Variants in DSCAML1 observed in about 807,000 individuals in gnomAD.
DSCAML1 encodes the protein cell adhesion molecule DSCAML1.
DSCAML1 carries 38 observed loss-of-function variants against 200.5 expected under a neutral mutation model. The observed-to-expected ratio is 0.19, with a 90% confidence interval of 0.15 to 0.25. The LOEUF is 0.25. Among genes scored for constraint, DSCAML1 ranks in the 10% least tolerant of loss-of-function variants. DSCAML1 has a pLI of 1.00. For synonymous variants in DSCAML1, 1,215 were observed against 1,165.0 expected (o/e 1.04, Z -0.87); for missense variants, 2,223 against 2,858.8 (o/e 0.78, Z 5.07).
intron 3 of DSCAML1, among the ~76,000 whole-genome samples, chr11:117,684,539 C>T (rs1057145596): frequency 6.9e-6 from 1 of 145,796 alleles, no homozygotes; most frequent in Non-Finnish European, 1.5e-5. Flanking sequence ...TACAGAGATG[C>T]AGAGTTAGCA....
At chr11:117,622,876 A>G (rs891684063) in intron 3 of DSCAML1, among the ~76,000 whole-genome samples, 5 of 152,202 alleles carry the variant, frequency 3.3e-5, no homozygotes, top group Non-Finnish European at 7.3e-5. Flanking sequence ...TACAGATTAT[A>G]TATAAATAAT....
chr11:117,447,330 G>A (rs777757213), intron 20 of DSCAML1, among the ~76,000 whole-genome samples: 2 of 152,128 alleles, frequency 1.3e-5, no homozygotes, highest in African/African-American at 2.4e-5. Context: ...TGATGGTGTA[G>A]GAAAGCACCA....
At chr11:117,607,867 T>C (rs942415117) in intron 3 of DSCAML1, among the ~76,000 whole-genome samples, 6 of 152,094 alleles carry the variant, frequency 3.9e-5, no homozygotes, top group Non-Finnish European at 2.9e-5. Flanking sequence ...TCCTTGTCAA[T>C]AGGGAAAAAG....
intron 3 of DSCAML1, among the ~76,000 whole-genome samples, chr11:117,680,861 G>A (rs1001551332): frequency 4.6e-5 from 7 of 152,218 alleles, no homozygotes; most frequent in African/African-American, 1.7e-4. Context: ...GAGAACAGCA[G>A]TGACAGCTGC....
intron 3 of DSCAML1, among the ~76,000 whole-genome samples, chr11:117,674,215 G>C (rs999509835): frequency 6.6e-6 from 1 of 152,186 alleles, no homozygotes; most frequent in Non-Finnish European, 1.5e-5. Context: ...CTGAGCCCTG[G>C]TGTGTGCCTG....
At chr11:117,559,292 C>T (rs758334219) in intron 3 of DSCAML1, among the ~76,000 whole-genome samples, 2 of 152,186 alleles carry the variant, frequency 1.3e-5, no homozygotes, top group African/African-American at 2.4e-5. Context: ...GAGTCCCTTC[C>T]TGAGGGGACT....
At chr11:117,810,354 C>T (rs997695637) in intron 1 of DSCAML1, among the ~76,000 whole-genome samples, 2 of 149,520 alleles carry the variant, frequency 1.3e-5, no homozygotes, top group African/African-American at 5.1e-5. Context: ...GGCAAGAACC[C>T]CCAATCCCTT....
chr11:117,773,477 T>C (rs1246654499), intron 3 of DSCAML1, among the ~76,000 whole-genome samples: 2 of 151,284 alleles, frequency 1.3e-5, no homozygotes, highest in Non-Finnish European at 2.9e-5. Flanking sequence ...CAACTTGCCA[T>C]GTAATCTTCC....
At chr11:117,540,903 G>T (rs997781765) in intron 3 of DSCAML1, among the ~76,000 whole-genome samples, 1 of 152,166 alleles carries the variant, frequency 6.6e-6, no homozygotes, top group Non-Finnish European at 1.5e-5. Flanking sequence ...CTGTCACTGG[G>T]GGGTATTTAA....
intron 3 of DSCAML1, among the ~76,000 whole-genome samples, chr11:117,590,404 G>GA (rs900917015): frequency 1.3e-5 from 2 of 150,742 alleles, no homozygotes; most frequent in Non-Finnish European, 2.9e-5. Context: ...GCACCACCTA[G>GA]AATTGCCTGG....
Position 117,503,069 on chromosome 11 carries a change from G to A in DSCAML1, c.2359+776C>T, listed in dbSNP as rs2049428193. Among the ~76,000 whole-genome samples the A allele has an allele frequency of 6.6e-6, 1 of 152,188 alleles. No individual in the cohort carries two copies. Among genetic ancestry groups the A allele is most frequent in the South Asian group, 2.1e-4 (1 of 4,820 alleles). ...TATACAGACACCTGCAGCGTAAAGG[G>A]AGAGGCTCACCCAGTAGGGATATCT... On this transcript the variant is annotated intron_variant, in intron 11 of 32. Coordinates refer to ENST00000651296, the MANE Select transcript of DSCAML1 (RefSeq NM_020693.4). The surrounding 1 kb of genome is among the most constrained non-coding windows in gnomAD (Gnocchi z 5.2).
chr11:117,731,199 C>G (rs1041709964), intron 3 of DSCAML1, among the ~76,000 whole-genome samples: 1 of 152,068 alleles, frequency 6.6e-6, no homozygotes, highest in Non-Finnish European at 1.5e-5. Flanking sequence ...CCTATTGTGC[C>G]CAGAGAAGGT....
intron 3 of DSCAML1, among the ~76,000 whole-genome samples, chr11:117,713,090 G>C (rs188063398): frequency 1.1e-3 from 164 of 152,170 alleles, no homozygotes; most frequent in African/African-American, 3.8e-3. Context: ...TTTCCCCACG[G>C]CTCTTTCTCC....
At chr11:117,795,734 C>T (rs1332074690) in intron 1 of DSCAML1, among the ~76,000 whole-genome samples, 5 of 152,192 alleles carry the variant, frequency 3.3e-5, no homozygotes, top group African/African-American at 1.2e-4. Context: ...CCTCTTTCCC[C>T]CAACCCACGA....
chr11:117,746,221 C>CAAAAAAA (rs34362262), intron 3 of DSCAML1, among the ~76,000 whole-genome samples: 17 of 66,800 alleles, frequency 2.5e-4, no homozygotes, highest in African/African-American at 1.2e-3. Context: ...GACTCTGTCT[C>CAAAAAAA]AAAAAAAAAA....
chr11:117,455,486 G>C (rs1347676451), intron 19 of DSCAML1, among the ~76,000 whole-genome samples: 1 of 152,158 alleles, frequency 6.6e-6, no homozygotes, highest in Non-Finnish European at 1.5e-5. Flanking sequence ...TGCTAGGTTT[G>C]GTATTCACAG....
At chr11:117,779,669 T>C (rs1233953558) in intron 2 of DSCAML1, among the ~76,000 whole-genome samples, 2 of 152,194 alleles carry the variant, frequency 1.3e-5, no homozygotes, top group South Asian at 4.1e-4. Context: ...GCAAAAGGTC[T>C]AGACAATATA....
chr11:117,430,774 A>G lies in DSCAML1; in HGVS notation c.5634T>C (p.Asp1878=), dbSNP rs1419211706. 6.2e-7 allele frequency: 1 copy of G among 1,613,996 alleles called. No individual in the cohort carries two copies. The highest frequency in any genetic ancestry group is 1.3e-5 in the African/African-American group (1 of 74,914). ...RFTASPPKPQ[D]ADRGKNVAVP... ...CAGCCACGTTTTTGCCCCGGTCCGC[A>G]TCCTGGGGCTTGGGTGGTGAGGCGG... The change falls in exon 32 of 33, where the codon GAT becomes GAC. Residue 1878 remains aspartate (D), a synonymous_variant. Transcript: ENST00000651296.
intron 3 of DSCAML1, among the ~76,000 whole-genome samples, chr11:117,736,412 A>T (rs1484080317): frequency 6.6e-6 from 1 of 152,218 alleles, no homozygotes; most frequent in Non-Finnish European, 1.5e-5. Context: ...GATGGAAGCC[A>T]TAGTCCTTTA....
Sources: allele counts gnomAD v4.1 joint callset (sites outside exome capture counted in the v4.1 genomes callset), GRCh38; gene constraint gnomAD v4.1.1; non-coding constraint Gnocchi (gnomAD v3.1); transcripts MANE v1.5; gene names NCBI Gene and HGNC (gene_info 2026-07-23, HGNC 2026-07-21).